Variants in STPG2 observed in about 807,000 individuals in gnomAD.
STPG2 encodes the protein sperm-tail PG-rich repeat-containing protein 2.
A neutral mutation model predicts 54.2 loss-of-function variants in STPG2; 56 were observed. That is an observed-to-expected ratio of 1.03 (90% CI 0.83 to 1.29). The LOEUF is 1.29. Among genes scored for constraint, STPG2 ranks in the 50% most tolerant of loss-of-function variants. The pLI, the probability that STPG2 is intolerant of heterozygous loss-of-function variation, is 0.00. For missense variants in STPG2, 596 were observed against 544.9 expected (o/e 1.09, Z -0.93); for synonymous variants, 200 against 181.8 (o/e 1.10, Z -0.81).
intron 9 of STPG2, among the ~76,000 whole-genome samples, chr4:97,713,681 C>T (rs560812553): frequency 3.0e-4 from 46 of 152,084 alleles, no homozygotes; most frequent in Non-Finnish European, 4.4e-4. Context: ...GGAGCTCAGG[C>T]GGTAATACTC....
chr4:97,790,163 G>A (rs182495777), intron 9 of STPG2, among the ~76,000 whole-genome samples: 1 of 123,546 alleles, frequency 8.1e-6, no homozygotes, highest in Non-Finnish European at 1.7e-5. Flanking sequence ...TTTTGCTCAC[G>A]ATTACATCTG....
chr4:97,461,987 A>AT (rs1212126224), intron 4 of STPG2, among the ~76,000 whole-genome samples: 1 of 151,914 alleles, frequency 6.6e-6, no homozygotes, highest in Non-Finnish European at 1.5e-5. Context: ...ATTAGTTAGC[A>AT]TTTTTTGTGT....
At chr4:97,806,248 A>G (rs1351229299) in intron 9 of STPG2, among the ~76,000 whole-genome samples, 2 of 152,170 alleles carry the variant, frequency 1.3e-5, no homozygotes, top group Non-Finnish European at 2.9e-5. Context: ...CTGTTATCCA[A>G]AGTTAATTAA....
chr4:97,883,018 A>G (rs1730434317), intron 8 of STPG2, among the ~76,000 whole-genome samples: 1 of 150,354 alleles, frequency 6.7e-6, no homozygotes, highest in East Asian at 1.9e-4. Context: ...TACACACAAA[A>G]TTATCAAGAG....
intron 4 of STPG2, among the ~76,000 whole-genome samples, chr4:97,534,429 C>T (rs1731483934): frequency 6.6e-6 from 1 of 151,946 alleles, no homozygotes; most frequent in Non-Finnish European, 1.5e-5. Flanking sequence ...GTTTATAATC[C>T]ACTTCAAGTT....
At chr4:97,948,555 T>G (rs186099862) in intron 7 of STPG2, among the ~76,000 whole-genome samples, 16 of 152,264 alleles carry the variant, frequency 1.1e-4, no homozygotes, top group Admixed American at 4.6e-4. Context: ...CATTTAGTGC[T>G]ACAAACATTC....
intron 5 of STPG2, among the ~76,000 whole-genome samples, chr4:98,086,558 C>A (rs1205334456): frequency 6.7e-6 from 1 of 150,054 alleles, no homozygotes; most frequent in Non-Finnish European, 1.5e-5. Context: ...CCATCACTAT[C>A]TAAATTCTCA....
intron 9 of STPG2, among the ~76,000 whole-genome samples, chr4:97,829,483 C>T (rs902393299): frequency 1.3e-5 from 2 of 152,144 alleles, no homozygotes; most frequent in Non-Finnish European, 2.9e-5. Context: ...AGGATCACAA[C>T]TCCTCATCAG....
At chr4:97,930,687 T>C (rs1338473968) in intron 8 of STPG2, among the ~76,000 whole-genome samples, 1 of 152,206 alleles carries the variant, frequency 6.6e-6, no homozygotes, top group Non-Finnish European at 1.5e-5. Context: ...ATATGACTTT[T>C]TAAAGGTTTT....
chr4:97,658,206 T>C (rs903665751), intron 10 of STPG2, among the ~76,000 whole-genome samples: 6 of 152,200 alleles, frequency 3.9e-5, no homozygotes, highest in Admixed American at 3.9e-4. Context: ...GTTTCTTGTG[T>C]CAGGATTAAA....
intron 5 of STPG2, among the ~76,000 whole-genome samples, chr4:98,075,724 T>C (rs1309771657): frequency 2.0e-5 from 3 of 152,200 alleles, no homozygotes; most frequent in Admixed American, 2.0e-4. Flanking sequence ...GATACTTAAG[T>C]ATGTGACTGA....
chr4:97,700,405 G>A (rs1372891627), intron 10 of STPG2, among the ~76,000 whole-genome samples: 1 of 152,186 alleles, frequency 6.6e-6, no homozygotes, highest in Non-Finnish European at 1.5e-5. Flanking sequence ...CCCAATAGGT[G>A]CAGTAGGCAT....
intron 9 of STPG2, among the ~76,000 whole-genome samples, chr4:97,737,150 C>T (rs181751884): frequency 3.3e-5 from 5 of 152,306 alleles, no homozygotes; most frequent in Non-Finnish European, 5.9e-5. Flanking sequence ...AGCGGAGGGT[C>T]CTGTCTGTTA....
intron 5 of STPG2, among the ~76,000 whole-genome samples, chr4:98,040,304 T>A (rs1290184408): frequency 1.3e-5 from 2 of 151,990 alleles, no homozygotes; most frequent in Non-Finnish European, 2.9e-5. Flanking sequence ...TATTTTGCTA[T>A]GCAGAAGCTT....
chr4:97,567,357 A>G (rs1732480297), intron 10 of STPG2, among the ~76,000 whole-genome samples: 1 of 151,014 alleles, frequency 6.6e-6, no homozygotes, highest in African/African-American at 2.4e-5. Flanking sequence ...ACTCCCATAT[A>G]TTGCTGGTGA....
chr4:98,078,324 C>T (rs1738235826), intron 5 of STPG2, among the ~76,000 whole-genome samples: 1 of 152,004 alleles, frequency 6.6e-6, no homozygotes, highest in South Asian at 2.1e-4. Flanking sequence ...AATTCCACCA[C>T]TAGTTAGCAG....
At chr4:97,646,688 T>G (rs1485334861) in intron 10 of STPG2, among the ~76,000 whole-genome samples, 1 of 152,144 alleles carries the variant, frequency 6.6e-6, no homozygotes, top group Non-Finnish European at 1.5e-5. Context: ...TGATTTATAT[T>G]CTGTAAATTA....
At chr4:97,886,919 G>A (rs1443648826) in intron 8 of STPG2, among the ~76,000 whole-genome samples, 1 of 152,132 alleles carries the variant, frequency 6.6e-6, no homozygotes, top group South Asian at 2.1e-4. Flanking sequence ...AAAGTGTGCA[G>A]CACCTTTCTG....
At chr4:97,897,781 G>A (rs1334717779) in intron 8 of STPG2, among the ~76,000 whole-genome samples, 2 of 152,098 alleles carry the variant, frequency 1.3e-5, no homozygotes, top group East Asian at 3.9e-4. Flanking sequence ...ATTTGTTTAA[G>A]TTCCTTATAG....
Sources: allele counts gnomAD v4.1 joint callset (sites outside exome capture counted in the v4.1 genomes callset), GRCh38; gene constraint gnomAD v4.1.1; transcripts MANE v1.5; gene names NCBI Gene and HGNC (gene_info 2026-07-23, HGNC 2026-07-21).